MECOM: variants seen among roughly 807,000 people sequenced by gnomAD.
The protein encoded by MECOM is MDS1 and EVI1 complex locus, also known as histone-lysine N-methyltransferase MECOM.
In MECOM, 13 loss-of-function variants were observed where a neutral mutation model predicts 116.3. The ratio of observed to expected loss-of-function variants is 0.11; its 90% CI spans 0.07 to 0.18. The LOEUF (loss-of-function observed/expected upper bound fraction) is 0.18, where lower values mean the gene tolerates loss of function less well. Among genes scored for constraint, MECOM ranks in the 10% least tolerant of loss-of-function variants. The pLI is 1.00. For synonymous variants in MECOM, 528 were observed against 535.2 expected, an observed-to-expected ratio of 0.99 and a Z score of 0.19; for missense variants, 1,299 against 1,509.0, an observed-to-expected ratio of 0.86 and a Z score of 2.31.
chr3:169,187,338 C>A (rs1176941790), intron 2 of MECOM, among the ~76,000 whole-genome samples: 1 of 152,066 alleles, frequency 6.6e-6, no homozygotes, highest in East Asian at 1.9e-4. Flanking sequence ...CATTCTTTAC[C>A]AAGGAGTTAA....
intron 2 of MECOM, among the ~76,000 whole-genome samples, chr3:169,355,978 G>C (rs968427330): frequency 2.6e-5 from 4 of 151,826 alleles, no homozygotes; most frequent in Non-Finnish European, 5.9e-5. Context: ...TAAAAATAAA[G>C]AGTAAAAGCA....
rs146103875 is a variant in MECOM, at chr3:169,388,790, G to A, written c.38-7266C>T. On this transcript the variant is annotated intron_variant, in intron 1 of 16. Coordinates refer to ENST00000651503, the MANE Select transcript of MECOM (RefSeq NM_004991.4). ...TGGAAATAATCTATCAACATGGCTTGGCACTAGAATTTTTTTAATGACCCT... is the reference window on the plus strand; with the variant it reads ...TGGAAATAATCTATCAACATGGCTTAGCACTAGAATTTTTTTAATGACCCT... Among the ~76,000 whole-genome samples the A allele has an allele frequency of 5.1e-3, 778 of 152,244 alleles. 3 individuals are homozygous for A. Among genetic ancestry groups the A allele is most frequent in the Middle Eastern group, 0.014 (4 of 294 alleles).
chr3:169,302,211 T>C (rs1191860573), intron 2 of MECOM, among the ~76,000 whole-genome samples: 1 of 152,206 alleles, frequency 6.6e-6, no homozygotes, highest in Admixed American at 6.5e-5. Flanking sequence ...AAGACACATG[T>C]CCATGTATCA....
At chr3:169,149,496 T>C in intron 2 of MECOM, 1 of 265,534 alleles carries the variant, frequency 3.8e-6, no homozygotes, top group South Asian at 3.3e-5. Context: ...GTAGATGGCA[T>C]TGCGCTCCGA....
At chr3:169,408,625 A>G (rs1015144978) in intron 1 of MECOM, among the ~76,000 whole-genome samples, 1 of 152,136 alleles carries the variant, frequency 6.6e-6, no homozygotes, top group African/African-American at 2.4e-5. Flanking sequence ...GATACTAAAA[A>G]CTTTGAAATT....
intron 1 of MECOM, among the ~76,000 whole-genome samples, chr3:169,442,286 C>A (rs971411923): frequency 3.3e-5 from 5 of 152,118 alleles, no homozygotes; most frequent in Non-Finnish European, 7.4e-5. Context: ...GTCTCGAACT[C>A]CTGACCTCAG....
chr3:169,564,010 T>C (rs1331998478), intron 1 of MECOM, among the ~76,000 whole-genome samples: 2 of 152,140 alleles, frequency 1.3e-5, no homozygotes, highest in African/African-American at 4.8e-5. Flanking sequence ...ATGGCTACCA[T>C]AATATATAGT....
intron 2 of MECOM, among the ~76,000 whole-genome samples, chr3:169,300,041 T>C (rs1487285719): frequency 6.6e-6 from 1 of 152,186 alleles, no homozygotes; most frequent in East Asian, 1.9e-4. Flanking sequence ...AAGGGACTCA[T>C]TGTTTGTGCT....
chr3:169,313,882 G>A (rs925863494), intron 2 of MECOM, among the ~76,000 whole-genome samples: 9 of 152,184 alleles, frequency 5.9e-5, no homozygotes, highest in African/African-American at 2.2e-4. Context: ...GATGGACTAT[G>A]GCTAACTAGT....
chr3:169,191,782 G>GAA lies in MECOM; in HGVS notation c.376-47952_376-47951dup, dbSNP rs1480166901. Among the ~76,000 whole-genome samples, 174 of 143,770 alleles carry GAA rather than the reference G, an allele frequency of 1.2e-3. 2 individuals are homozygous for GAA. Among genetic ancestry groups the GAA allele is most frequent in the African/African-American group, 4.5e-3 (167 of 37,306 alleles). The allele number at this position is 143,770 out of a possible 152,430, so 94.3% of individuals were successfully genotyped here. A position where few individuals can be genotyped will look rare whatever the true frequency, so the allele number is the denominator to read the frequency against. On this transcript the variant is annotated intron_variant, in intron 2 of 16. Transcript: ENST00000651503. Reference sequence around the variant, plus strand: ...AGAAAGAAAGAAAGAAAGAAAGAAAGAAAGAAAGAAAGGGAGGGAAGGATA... The same window carrying GAA: ...AGAAAGAAAGAAAGAAAGAAAGAAAGAAAAAGAAAGAAAGGGAGGGAAGGATA...
intron 1 of MECOM, among the ~76,000 whole-genome samples, chr3:169,398,144 C>T (rs1431919469): frequency 6.6e-6 from 1 of 152,130 alleles, no homozygotes; most frequent in Non-Finnish European, 1.5e-5. Context: ...ACATGGCAGG[C>T]TATTGTTTTT....
intron 16 of MECOM, among the ~76,000 whole-genome samples, chr3:169,085,555 G>A (rs889819908): frequency 6.6e-6 from 1 of 152,168 alleles, no homozygotes; most frequent in Non-Finnish European, 1.5e-5. Context: ...AGTGGGAGAA[G>A]CATAACTAAA....
chr3:169,457,604 G>A (rs944812547), intron 1 of MECOM, among the ~76,000 whole-genome samples: 1 of 152,072 alleles, frequency 6.6e-6, no homozygotes, highest in Non-Finnish European at 1.5e-5. Context: ...TCTTCTTTTA[G>A]GCTCCATAAC....
intron 1 of MECOM, among the ~76,000 whole-genome samples, chr3:169,522,689 T>A (rs12493300): frequency 0.02 from 3,001 of 152,272 alleles, 33 homozygotes; most frequent in Middle Eastern, 0.037. Flanking sequence ...GAAAACAATG[T>A]AAGGTAACAG....
At chr3:169,428,219 A>C (rs1741036144) in intron 1 of MECOM, among the ~76,000 whole-genome samples, 1 of 152,202 alleles carries the variant, frequency 6.6e-6, no homozygotes, top group South Asian at 2.1e-4. Flanking sequence ...CTTCAACAAA[A>C]TAAATGTCTG....
chr3:169,438,766 T>G (rs1194421220), intron 1 of MECOM, among the ~76,000 whole-genome samples: 1 of 152,190 alleles, frequency 6.6e-6, no homozygotes, highest in Admixed American at 6.5e-5. Flanking sequence ...TGTTCCAATA[T>G]GCAGTGTTCG....
chr3:169,310,611 G>T (rs1293814569), intron 2 of MECOM, among the ~76,000 whole-genome samples: 1 of 152,160 alleles, frequency 6.6e-6, no homozygotes, highest in African/African-American at 2.4e-5. Flanking sequence ...CTCTCGTTCA[G>T]AAACCTACAC....
chr3:169,161,851 G>A (rs1742894623), intron 2 of MECOM, among the ~76,000 whole-genome samples: 1 of 152,116 alleles, frequency 6.6e-6, no homozygotes, highest in African/African-American at 2.4e-5. Flanking sequence ...AAAGGCCTAT[G>A]CGGGGAACAA....
intron 2 of MECOM, among the ~76,000 whole-genome samples, chr3:169,263,761 T>C (rs115845833): frequency 0.017 from 2,649 of 152,266 alleles, 77 homozygotes; most frequent in African/African-American, 0.061. Flanking sequence ...AATGTCTTTC[T>C]TTTTGTTTTA....
Sources: allele counts gnomAD v4.1 joint callset (sites outside exome capture counted in the v4.1 genomes callset), GRCh38; gene constraint gnomAD v4.1.1; transcripts MANE v1.5; gene names NCBI Gene and HGNC (gene_info 2026-07-23, HGNC 2026-07-21).